Variants in VNN1 observed in about 807,000 individuals in gnomAD.
The protein encoded by VNN1 is vanin 1, also known as pantetheinase.
VNN1 carries 29 observed loss-of-function variants against 41.9 expected under a neutral mutation model. The observed-to-expected ratio is 0.69, with a 90% CI of 0.52 to 0.94. VNN1 has a LOEUF of 0.94. Among genes scored for constraint, VNN1 ranks in the 40% least tolerant of loss-of-function variants. VNN1 has a pLI of 0.00. For synonymous variants in VNN1, 233 were observed against 224.4 expected, an observed-to-expected ratio of 1.04 and a Z score of -0.34; for missense variants, 637 against 621.1, an observed-to-expected ratio of 1.03 and a Z score of -0.27.
rs1212802969 is a variant in VNN1, at chr6:132,692,494, G to A, written c.917C>T (p.Ser306Phe). 1.2e-6 allele frequency: 2 copies of A among 1,613,616 alleles called. No individual in the cohort carries two copies. The highest frequency in any genetic ancestry group is 1.7e-6 in the Non-Finnish European group (2 of 1,180,004). Reference protein sequence around the residue: ...EGKLLLSQLDSHPSHSAVVNW... With the variant: ...EGKLLLSQLDFHPSHSAVVNW... The stretch of plus-strand genomic sequence containing the variant: ...CACCACTGCAGAATGGGATGGGTGG[G>A]AATCCAGTTGCGAGAGGAGGAGTTT... Residue 306 changes from serine (S) to phenylalanine (F), a missense_variant, in exon 5 of 7, where the codon TCC (serine) becomes TTC (phenylalanine). Transcript: ENST00000367928.
At chr6:132,707,993 G>A (rs1778543987) in intron 2 of VNN1, among the ~76,000 whole-genome samples, 1 of 152,172 alleles carries the variant, frequency 6.6e-6, no homozygotes, top group African/African-American at 2.4e-5. Flanking sequence ...CATTCTTCAT[G>A]ATGTGATTGT....
chr6:132,710,544 CCCGGTGTGTGATGTTCCCCT>C (rs1376064800), intron 2 of VNN1, among the ~76,000 whole-genome samples: 1 of 152,074 alleles, frequency 6.6e-6, no homozygotes, highest in Admixed American at 6.5e-5. Context: ...CCCGACAGGC[CCCGGTGTGTGATGTTCCCCT>C]CCTTGTGTCC....
chr6:132,711,762 C>T lies in VNN1; in HGVS notation c.288G>A (p.Leu96=), dbSNP rs374450994. 2.5e-6 allele frequency: 4 copies of T among 1,613,830 alleles called. No individual in the cohort carries two copies. The African/African-American group carries it at 5.3e-5, about 22-fold the overall frequency. ...TTACTTCAGGGTCTGGGATGTCCTC[C>T]AAATATGGGTAGAGAGAGTCCCTGT... The part of the protein sequence containing the change: ...NFNRDSLYPY[L]EDIPDPEVNW... The change falls in exon 2 of 7, where the codon TTG becomes TTA. Residue 96 remains leucine, a synonymous_variant. Transcript: ENST00000367928.
At chr6:132,693,337 G>A (rs1339188543) in intron 3 of VNN1, 22 bp from the exon 4 acceptor site, 10 of 1,560,302 alleles carry the variant, frequency 6.4e-6, no homozygotes, top group Admixed American at 4.0e-5. Context: ...AGAAGATAAA[G>A]AGAAAAAAAT....
chr6:132,692,195 A>G, intron 5 of VNN1, 28 bp downstream of exon 5: 2 of 1,517,066 alleles, frequency 1.3e-6, no homozygotes, highest in Non-Finnish European at 8.8e-7. Flanking sequence ...TATTTTATCC[A>G]GTAACTCTTC....
At chr6:132,691,890 C>G (rs939118544) in intron 5 of VNN1, among the ~76,000 whole-genome samples, 5 of 152,022 alleles carry the variant, frequency 3.3e-5, no homozygotes, top group African/African-American at 1.2e-4. Context: ...CGCCTGTAGT[C>G]CCAGCTACTT....
rs979416920 is a variant in VNN1, at chr6:132,684,605, G to A, written c.1189-100C>T. The A allele has an allele frequency of 7.7e-5, 87 of 1,136,478 alleles. 1 individual carries two copies. Among genetic ancestry groups the A allele is most frequent in the South Asian group, 1.4e-4 (9 of 66,376 alleles). The allele number at this position is 1,136,478 out of a possible 1,614,324, so 70.4% of individuals were successfully genotyped here. A position where few individuals can be genotyped will look rare whatever the true frequency, so the allele number is the denominator to read the frequency against. On this transcript the variant is annotated intron_variant, in intron 5 of 6. Coordinates refer to ENST00000367928, the MANE Select transcript of VNN1 (RefSeq NM_004666.3). ...TCACGGTGTGTACACATATCAAAACGTCACATCATACACTGTAAAGATATA... is the reference window on the plus strand; with the variant it reads ...TCACGGTGTGTACACATATCAAAACATCACATCATACACTGTAAAGATATA...
Position 132,683,299 on chromosome 6 carries a change from AAAC to A in VNN1, c.1380_1382del (p.Leu460del). 6.2e-7 allele frequency: 1 copy of A among 1,613,746 alleles called. No individual in the cohort carries two copies. Among genetic ancestry groups the A allele is most frequent in the Non-Finnish European group, 8.5e-7 (1 of 1,179,898 alleles). ...CAGGTCCGGATGTTGGCTTCAGACT[AAAC>A]AAGCGTCCGTCAGTTGACACCTGAT... On this transcript the variant is annotated inframe_deletion, in exon 7 of 7. Coordinates refer to ENST00000367928, the MANE Select transcript of VNN1 (RefSeq NM_004666.3).
intron 4 of VNN1, 95 bp from the exon 5 acceptor site, chr6:132,692,679 A>G (rs1778310548): frequency 7.1e-7 from 1 of 1,418,058 alleles, no homozygotes; most frequent in Non-Finnish European, 9.3e-7. Context: ...TTCACATTTT[A>G]CTCTCTCTAA....
rs762314529 is a variant in VNN1 at position 132,692,448 on chromosome 6, G to C, written c.963C>G (p.Ser321Arg). The change falls in exon 5 of 7, where the codon AGC becomes AGG. Residue 321 changes from serine to arginine, a missense_variant. Coordinates refer to ENST00000367928, the MANE Select transcript of VNN1 (RefSeq NM_004666.3). ...TTCCTGATGAGAGCGCTTCTATACT[G>C]CTGGCATAGGAAGTCCAGTTCACCA... Reference protein sequence around the residue: ...SAVVNWTSYASSIEALSSGNK... With the variant: ...SAVVNWTSYARSIEALSSGNK... 6.2e-7 allele frequency: 1 copy of C among 1,614,088 alleles called. No homozygotes were observed. The highest frequency in any genetic ancestry group is 1.7e-5 in the Admixed American group (1 of 60,014).
chr6:132,688,456 A>T (rs1778235654), intron 5 of VNN1, among the ~76,000 whole-genome samples: 1 of 152,164 alleles, frequency 6.6e-6, no homozygotes, highest in Non-Finnish European at 1.5e-5. Context: ...TACTTGACAA[A>T]GCTAACCTAC....
intron 2 of VNN1, among the ~76,000 whole-genome samples, chr6:132,710,059 T>C (rs1177542480): frequency 6.6e-6 from 1 of 152,122 alleles, no homozygotes; most frequent in Non-Finnish European, 1.5e-5. Flanking sequence ...GTTTGTTTGT[T>C]TGTTTTTGAG....
chr6:132,688,707 A>G (rs927814260), intron 5 of VNN1, among the ~76,000 whole-genome samples: 6 of 152,314 alleles, frequency 3.9e-5, no homozygotes. Flanking sequence ...TCACATATAT[A>G]AGGCTATATA....
intron 2 of VNN1, among the ~76,000 whole-genome samples, chr6:132,710,203 C>A (rs1019375882): frequency 2.0e-5 from 3 of 151,996 alleles, no homozygotes; most frequent in Non-Finnish European, 4.4e-5. Flanking sequence ...GTGCCCACCA[C>A]CACGCCCCAC....
Position 132,694,336 on chromosome 6 carries a change from G to A in VNN1, c.342-154C>T, listed in dbSNP as rs183113487. 2.8e-4 allele frequency among the ~76,000 whole-genome samples: 43 copies of A among 152,326 alleles called. No individual in the cohort carries two copies. The East Asian group carries it at 6.7e-3, about 24-fold the overall frequency. The stretch of plus-strand genomic sequence containing the variant: ...AGAAGAGAAGTATTAAGACAAGAAA[G>A]GAGTTCAGAGGAAGCCCATGCTTGA... On this transcript the variant is annotated intron_variant, in intron 2 of 6. Coordinates refer to ENST00000367928, the MANE Select transcript of VNN1 (RefSeq NM_004666.3).
Position 132,692,621 on chromosome 6 carries a change from G to T in VNN1, c.827-37C>A, listed in dbSNP as rs1032076867. The T allele has an allele frequency of 4.6e-6, 7 of 1,518,966 alleles. No homozygotes were observed. The African/African-American group carries it at 9.7e-5, about 21-fold the overall frequency. 94.1% of individuals were successfully genotyped at this position (1,518,966 alleles called of 1,614,324 possible). A position where few individuals can be genotyped will look rare whatever the true frequency, so the allele number is the denominator to read the frequency against. Reference sequence around the variant, plus strand: ...AAGTTGAAAACATCATTTGAAATTGGAAAGTAAAAAGGGATTTCATAATTG... The same window carrying T: ...AAGTTGAAAACATCATTTGAAATTGTAAAGTAAAAAGGGATTTCATAATTG... On this transcript the variant is annotated intron_variant, in intron 4 of 6. Coordinates refer to ENST00000367928, the MANE Select transcript of VNN1 (RefSeq NM_004666.3).
Position 132,693,123 on chromosome 6 carries a change from G to C in VNN1, c.727C>G (p.Pro243Ala), listed in dbSNP as rs753629704. 1 of 1,614,006 alleles carries C rather than the reference G, an allele frequency of 6.2e-7. No individual in the cohort carries two copies. Among genetic ancestry groups the C allele is most frequent in the African/African-American group, 1.3e-5 (1 of 74,926 alleles). Residue 243 changes from proline to alanine, a missense_variant, in exon 4 of 7, where the codon CCA (proline) becomes GCA (alanine). By Grantham distance (27) the Pro-to-Ala change is conservative (BLOSUM62 -1). Coordinates refer to ENST00000367928, the MANE Select transcript of VNN1 (RefSeq NM_004666.3). ...VFPTAWMNVL[P>A]HLSAVEFHSA... ...TGGAATTCAACAGCTGACAAATGTGGCAAAACATTCATCCAAGCTGTTGGG... is the reference window on the plus strand; with the variant it reads ...TGGAATTCAACAGCTGACAAATGTGCCAAAACATTCATCCAAGCTGTTGGG...
chr6:132,690,418 G>T (rs1778265754), intron 5 of VNN1, among the ~76,000 whole-genome samples: 1 of 152,106 alleles, frequency 6.6e-6, no homozygotes. Flanking sequence ...CCACACCCTT[G>T]TTCATGCTCT....
intron 2 of VNN1, among the ~76,000 whole-genome samples, chr6:132,697,768 T>C (rs1461813040): frequency 6.6e-6 from 1 of 152,028 alleles, no homozygotes; most frequent in African/African-American, 2.4e-5. Context: ...ATAATACATA[T>C]AGAAAATTAT....
Sources: allele counts gnomAD v4.1 joint callset (sites outside exome capture counted in the v4.1 genomes callset), GRCh38; gene constraint gnomAD v4.1.1; transcripts MANE v1.5; gene names NCBI Gene and HGNC (gene_info 2026-07-23, HGNC 2026-07-21).